Variants in UTRN observed in about 807,000 individuals in gnomAD.
UTRN encodes utrophin, also known as dystrophin-related protein 1.
A neutral mutation model predicts 463.9 loss-of-function variants in UTRN; 283 were observed. The ratio of observed to expected loss-of-function variants is 0.61; its 90% CI spans 0.55 to 0.67. The LOEUF (loss-of-function observed/expected upper bound fraction) is 0.67. Among genes scored for constraint, UTRN ranks in the 30% least tolerant of loss-of-function variants. The pLI is 0.00. For synonymous variants in UTRN, 1,442 were observed against 1,431.5 expected (o/e 1.01, Z -0.17); for missense variants, 3,922 against 4,084.3 (o/e 0.96, Z 1.08).
chr6:144,313,643 G>A (rs1382967995), intron 2 of UTRN, among the ~76,000 whole-genome samples: 4 of 152,236 alleles, frequency 2.6e-5, no homozygotes, highest in Non-Finnish European at 2.9e-5. Context: ...CTTGCAAACA[G>A]TAGTGTGGTC....
intron 53 of UTRN, among the ~76,000 whole-genome samples, chr6:144,711,745 T>C (rs1197244505): frequency 3.9e-5 from 6 of 152,242 alleles, no homozygotes; most frequent in Admixed American, 2.6e-4. Context: ...TGAAAGTGCA[T>C]GATTCAGGTA....
chr6:144,764,224 A>G (rs982750193), intron 58 of UTRN, among the ~76,000 whole-genome samples: 1 of 152,228 alleles, frequency 6.6e-6, no homozygotes, highest in Non-Finnish European at 1.5e-5. Context: ...ATAAATGAGC[A>G]TAAGCATACC....
At chr6:144,532,634 A>T (rs959848989) in intron 42 of UTRN, among the ~76,000 whole-genome samples, 2 of 152,210 alleles carry the variant, frequency 1.3e-5, no homozygotes, top group African/African-American at 2.4e-5. Context: ...CAGTGAAGCA[A>T]TATCTTAGTA....
rs554820040 is a variant in UTRN at position 144,447,746 on chromosome 6, T to G, written c.1867T>G (p.Ser623Ala). Reference sequence around the variant, plus strand: ...AGAGGAACTGACTCAAAGATGGGATTCTTTGGTTCAGAGACTAGAAGATTC... The same window carrying G: ...AGAGGAACTGACTCAAAGATGGGATGCTTTGGTTCAGAGACTAGAAGATTC... ...DSEELTQRWD[S>A]LVQRLEDSSN... The change falls in exon 16 of 75, where the codon TCT becomes GCT. Residue 623 changes from serine (S) to alanine (A), a missense_variant. Physicochemically the swap from Ser to Ala is moderately conservative, Grantham distance 99. This residue lies in a region of UTRN where 2,349 missense variants were observed against 2,303.8 expected (regional missense o/e 1.02). Coordinates refer to ENST00000367545, the MANE Select transcript of UTRN (RefSeq NM_007124.3). 144 of 1,613,880 alleles carry G rather than the reference T, an allele frequency of 8.9e-5. 1 individual carries two copies. The South Asian group carries it at 1.5e-3, about 17-fold the overall frequency.
intron 51 of UTRN, among the ~76,000 whole-genome samples, chr6:144,674,702 G>A (rs1249179149): frequency 2.0e-5 from 3 of 152,060 alleles, no homozygotes; most frequent in African/African-American, 7.2e-5. Flanking sequence ...GACCACAGGT[G>A]TATTCCACCA....
At chr6:144,451,547 G>T in intron 18 of UTRN, 54 bp downstream of exon 18, 32 of 1,535,730 alleles carry the variant, frequency 2.1e-5, no homozygotes, top group Non-Finnish European at 2.7e-5. Context: ...CATCATGCTG[G>T]ATTTTCTGCT....
intron 51 of UTRN, among the ~76,000 whole-genome samples, chr6:144,650,382 G>C (rs1205779634): frequency 6.6e-6 from 1 of 152,194 alleles, no homozygotes; most frequent in African/African-American, 2.4e-5. Context: ...TAAGTAGTGT[G>C]TATATGTGGG....
intron 9 of UTRN, among the ~76,000 whole-genome samples, chr6:144,434,203 C>T (rs991575814): frequency 5.3e-5 from 8 of 152,186 alleles, no homozygotes; most frequent in Admixed American, 3.3e-4. Flanking sequence ...ACCAGTCAGG[C>T]GTGGTGGCGC....
At chr6:144,289,613 C>T (rs961482739) in intron 1 of UTRN, among the ~76,000 whole-genome samples, 7 of 151,374 alleles carry the variant, frequency 4.6e-5, no homozygotes, top group Non-Finnish European at 8.9e-5. Context: ...TGAGCCACCT[C>T]GCCTAGACCC....
intron 23 of UTRN, among the ~76,000 whole-genome samples, chr6:144,469,703 C>CTTTTTTTTTTTTTTTTT (rs545551155): frequency 6.9e-4 from 93 of 135,654 alleles, no homozygotes; most frequent in Non-Finnish European, 1.1e-3. Context: ...TGTTTCTTTC[C>CTTTTTTTTTTTTTTTTT]TTTTTTTTTT....
intron 51 of UTRN, among the ~76,000 whole-genome samples, chr6:144,614,995 C>T (rs569290244): frequency 6.6e-6 from 1 of 152,240 alleles, no homozygotes; most frequent in East Asian, 1.9e-4. Context: ...AAACCCCCCT[C>T]TTTCCCGATA....
chr6:144,452,987 C>T (rs1788482941), intron 18 of UTRN, among the ~76,000 whole-genome samples: 1 of 150,486 alleles, frequency 6.6e-6, no homozygotes, highest in African/African-American at 2.4e-5. Flanking sequence ...GGTTTGGGTT[C>T]TAAAGCATAT....
intron 43 of UTRN, among the ~76,000 whole-genome samples, chr6:144,537,271 G>A (rs1210870760): frequency 3.3e-5 from 5 of 151,774 alleles, no homozygotes; most frequent in Admixed American, 6.6e-5. Flanking sequence ...ATTATGTTGC[G>A]GAGTGGTATC....
intron 6 of UTRN, among the ~76,000 whole-genome samples, 164 bp from the exon 7 acceptor site, chr6:144,426,123 A>G (rs994613312): frequency 1.1e-4 from 16 of 152,236 alleles, no homozygotes; most frequent in Non-Finnish European, 1.6e-4. Context: ...GTTAAAATGT[A>G]TTGCTCTAGT....
chr6:144,330,773 A>G lies in UTRN; in HGVS notation c.79+38866A>G, dbSNP rs1776276547. ...TATTCACAGAGGCAGGAATGTGACCATTCTGGTCCGGGCAGTTGGGGAGGA... is the reference window on the plus strand; with the variant it reads ...TATTCACAGAGGCAGGAATGTGACCGTTCTGGTCCGGGCAGTTGGGGAGGA... On this transcript the variant is annotated intron_variant, in intron 2 of 74. Transcript: ENST00000367545. 3.1e-6 allele frequency: 3 copies of G among 973,918 alleles called. No homozygotes were observed. The African/African-American group carries it at 5.3e-5, about 17-fold the overall frequency. 60.3% of individuals were successfully genotyped at this position (973,918 alleles called of 1,614,324 possible).
chr6:144,414,230 T>A (rs1199822556), intron 3 of UTRN, among the ~76,000 whole-genome samples: 2 of 152,092 alleles, frequency 1.3e-5, no homozygotes, highest in African/African-American at 2.4e-5. Flanking sequence ...GCTCCATGTA[T>A]GTTATTGCCC....
intron 2 of UTRN, among the ~76,000 whole-genome samples, chr6:144,336,353 C>A (rs760621585): frequency 2.0e-5 from 3 of 152,276 alleles, no homozygotes; most frequent in Non-Finnish European, 2.9e-5. Flanking sequence ...CTGTGGAGAG[C>A]CAGCCAGAAG....
At chr6:144,791,134 T>C (rs1776722351) in intron 62 of UTRN, among the ~76,000 whole-genome samples, 1 of 152,222 alleles carries the variant, frequency 6.6e-6, no homozygotes. Flanking sequence ...TTGAGGACCT[T>C]CACCACTCTG....
intron 2 of UTRN, among the ~76,000 whole-genome samples, chr6:144,387,262 C>A (rs868057781): frequency 6.6e-6 from 1 of 152,270 alleles, no homozygotes; most frequent in African/African-American, 2.4e-5. Context: ...CATGTCTCAG[C>A]CTCCTGAGTA....
Sources: gnomAD v4.1 joint callset for allele counts (sites outside exome capture counted in the v4.1 genomes callset) on GRCh38, gnomAD v4.1.1 for gene constraint, gnomAD v4.1.1 regional missense constraint, MANE v1.5 for transcripts, NCBI Gene and HGNC (gene_info 2026-07-23, HGNC 2026-07-21) for gene names.